TYW1: variants seen among roughly 807,000 people sequenced by gnomAD.
The protein encoded by TYW1 is S-adenosyl-L-methionine-dependent tRNA 4-demethylwyosine synthase TYW1.
A neutral mutation model predicts 96.2 loss-of-function variants in TYW1; 46 were observed. The observed-to-expected ratio is 0.48, with a 90% CI of 0.38 to 0.61. The LOEUF (loss-of-function observed/expected upper bound fraction) is 0.61, where lower values mean the gene tolerates loss of function less well. Ranked by LOEUF, TYW1 falls within the 20% of genes least tolerant of loss-of-function variation. The probability of loss-of-function intolerance (pLI) is 0.00; values close to 1 mark genes in which losing one functional copy is unlikely to be tolerated. For synonymous variants in TYW1, 274 were observed against 323.0 expected (o/e 0.85, Z 1.63); for missense variants, 684 against 909.6 (o/e 0.75, Z 3.19).
intron 11 of TYW1, chr7:67,089,441 C>A: frequency 2.4e-6 from 3 of 1,230,392 alleles, no homozygotes. Context: ...GACTCCACTG[C>A]AGGTGGAAGG....
rs1359685742 is a variant in TYW1, at chr7:67,067,347, C to T, written c.1218C>T (p.Arg406=). Reference sequence around the variant, plus strand: ...CATTCTATGGAATTGAGAGCCATCGCTGCATGGAAACCACCCCGAGCTTGG... The same window carrying T: ...CATTCTATGGAATTGAGAGCCATCGTTGCATGGAAACCACCCCGAGCTTGG... The part of the protein sequence containing the change: ...KHTFYGIESH[R]CMETTPSLAC... The change falls in exon 10 of 16, where the codon CGC becomes CGT. Residue 406 remains arginine, a synonymous_variant. Coordinates refer to ENST00000359626, the MANE Select transcript of TYW1 (RefSeq NM_018264.4). 1.9e-6 allele frequency: 3 copies of T among 1,613,860 alleles called. No homozygotes were observed. The highest frequency in any genetic ancestry group is 2.5e-6 in the Non-Finnish European group (3 of 1,179,872).
intron 15 of TYW1, among the ~76,000 whole-genome samples, chr7:67,212,878 A>AT (rs1563074275): frequency 1.3e-5 from 2 of 151,572 alleles, no homozygotes; most frequent in South Asian, 2.1e-4. Context: ...TTATTTATTT[A>AT]TTTTTTTATG....
chr7:67,218,130 A>C (rs1251801510), intron 15 of TYW1, among the ~76,000 whole-genome samples: 11 of 151,980 alleles, frequency 7.2e-5, no homozygotes, highest in African/African-American at 2.6e-4. Context: ...AAATGCTGGG[A>C]TTACAGGTGT....
chr7:67,085,404 C>A (rs933740320), intron 11 of TYW1, among the ~76,000 whole-genome samples: 1 of 152,152 alleles, frequency 6.6e-6, no homozygotes, highest in African/African-American at 2.4e-5. Flanking sequence ...GGCTCTTCCC[C>A]CTTTGCTCTG....
chr7:67,036,848 A>G lies in TYW1; in HGVS notation c.984+11826A>G, dbSNP rs182147870. On this transcript the variant is annotated intron_variant, in intron 7 of 15. Transcript: ENST00000359626. ...GAGTTGTGTACAGGGTCTGGCAGCC[A>G]AGGCAGCAGGTTGACATCATTTACC... Among the ~76,000 whole-genome samples the G allele has an allele frequency of 9.2e-3, 1,407 of 152,356 alleles. 32 individuals are homozygous for G. In the South Asian group the frequency reaches 0.1, roughly 11 times the overall value.
chr7:67,141,945 G>A (rs1433523465), intron 13 of TYW1, among the ~76,000 whole-genome samples: 1 of 152,214 alleles, frequency 6.6e-6, no homozygotes, highest in African/African-American at 2.4e-5. Context: ...TGAGGCAGGA[G>A]AATCGCTTGA....
In TYW1 at chr7:67,042,336, A is replaced by G. The variant is rs564715837; in HGVS notation, c.985-7613A>G. ...TCTACCTCCCTCCCTCTGTAGTACT[A>G]TTTAAGACTTCTTCTAGGACTGAAG... On this transcript the variant is annotated intron_variant, in intron 7 of 15. Transcript: ENST00000359626. Among the ~76,000 whole-genome samples, 3 of 140,244 alleles carry G rather than the reference A, an allele frequency of 2.1e-5. No individual in the cohort carries two copies. The East Asian group carries it at 7.5e-4, about 35-fold the overall frequency. 92.0% of individuals were successfully genotyped at this position (140,244 alleles called of 152,430 possible).
intron 15 of TYW1, among the ~76,000 whole-genome samples, chr7:67,212,602 C>T (rs1384738059): frequency 6.6e-6 from 1 of 152,150 alleles, no homozygotes; most frequent in Admixed American, 6.5e-5. Flanking sequence ...TGCATTCCCA[C>T]CATTGATGAA....
intron 12 of TYW1, among the ~76,000 whole-genome samples, chr7:67,102,600 A>G (rs1198435749): frequency 1.3e-5 from 2 of 152,172 alleles, no homozygotes; most frequent in Non-Finnish European, 2.9e-5. Flanking sequence ...GGTTTACTCT[A>G]TCAGGAATCA....
intron 5 of TYW1, among the ~76,000 whole-genome samples, chr7:67,015,261 C>T (rs998585622): frequency 2.0e-5 from 3 of 152,184 alleles, no homozygotes; most frequent in Admixed American, 6.6e-5. Context: ...ACCTCGGCCT[C>T]CCAGAGTGCT....
chr7:67,206,620 AAC>A (rs1800808411), intron 15 of TYW1, among the ~76,000 whole-genome samples: 1 of 122,002 alleles, frequency 8.2e-6, no homozygotes. Context: ...CTCTGTCTCA[AAC>A]ATAAATAAAT....
chr7:67,152,946 A>C (rs1054943247), intron 13 of TYW1, among the ~76,000 whole-genome samples: 1 of 152,178 alleles, frequency 6.6e-6, no homozygotes. Flanking sequence ...AAAGGAACAC[A>C]ACTGAGCTTA....
intron 15 of TYW1, among the ~76,000 whole-genome samples, chr7:67,234,605 AC>A (rs1339691384): frequency 2.0e-5 from 3 of 150,436 alleles, no homozygotes; most frequent in Non-Finnish European, 4.4e-5. Context: ...CTGAGCTAAT[AC>A]TCCTACTTTG....
chr7:67,077,451 C>T (rs1322570160), intron 10 of TYW1, among the ~76,000 whole-genome samples: 4 of 152,164 alleles, frequency 2.6e-5, no homozygotes, highest in Non-Finnish European at 5.9e-5. Flanking sequence ...GAGATGGAAT[C>T]TCATTGCGGT....
chr7:67,001,467 G>C (rs1000019136), intron 3 of TYW1, among the ~76,000 whole-genome samples: 1 of 151,300 alleles, frequency 6.6e-6, no homozygotes, highest in Non-Finnish European at 1.5e-5. Flanking sequence ...GTGTCGCCAG[G>C]CTGGAGTGCA....
At chr7:67,095,117 G>A (rs1463371175) in intron 11 of TYW1, among the ~76,000 whole-genome samples, 2 of 151,868 alleles carry the variant, frequency 1.3e-5, no homozygotes, top group African/African-American at 4.8e-5. Context: ...TTCTGCCTCA[G>A]CCTCCCGAGT....
chr7:67,009,094 C>T (rs533350998), intron 3 of TYW1, among the ~76,000 whole-genome samples: 2 of 152,260 alleles, frequency 1.3e-5, no homozygotes, highest in Middle Eastern at 3.4e-3. Context: ...ACTGTATCCT[C>T]TAACCCCTGG....
chr7:66,997,102 C>A, intron 1 of TYW1, 120 bp downstream of exon 1: 1 of 1,551,806 alleles, frequency 6.4e-7, no homozygotes, highest in Non-Finnish European at 8.8e-7. Context: ...TTGCACTTGA[C>A]AGCACCGGCT....
rs1240789152 is a variant in TYW1 at position 67,181,717 on chromosome 7, A to G, written c.1699-1409A>G. Among the ~76,000 whole-genome samples, 2 of 152,158 alleles carry G rather than the reference A, an allele frequency of 1.3e-5. 1 individual carries two copies. Among genetic ancestry groups the G allele is most frequent in the South Asian group, 4.1e-4 (2 of 4,820 alleles). The stretch of plus-strand genomic sequence containing the variant: ...GCTACAGATGCATGTAATCATGTAC[A>G]TAGAACCACATGCATCCCATCACCT... On this transcript the variant is annotated intron_variant, in intron 13 of 15. Coordinates refer to ENST00000359626, the MANE Select transcript of TYW1 (RefSeq NM_018264.4).
Sources: gnomAD v4.1 joint callset for allele counts (sites outside exome capture counted in the v4.1 genomes callset) on GRCh38, gnomAD v4.1.1 for gene constraint, MANE v1.5 for transcripts, NCBI Gene and HGNC (gene_info 2026-07-23, HGNC 2026-07-21) for gene names.